MYCBP: variants seen among roughly 807,000 people sequenced by gnomAD.
The protein encoded by MYCBP is MYC binding protein.
MYCBP carries 5 observed loss-of-function variants against 16.8 expected under a neutral mutation model. The ratio of observed to expected loss-of-function variants is 0.30; its 90% CI spans 0.16 to 0.63. MYCBP has a LOEUF of 0.63. MYCBP is among the 20% of genes least tolerant of loss of function. MYCBP has a pLI of 0.83. For missense variants in MYCBP, 103 were observed against 121.8 expected (o/e 0.85, Z 0.73); for synonymous variants, 35 against 43.7 (o/e 0.80, Z 0.79).
Position 38,873,317 on chromosome 1 carries a change from C to T in MYCBP, c.-12G>A. 1 of 1,601,282 alleles carries T rather than the reference C, an allele frequency of 6.2e-7. No homozygotes were observed. Among genetic ancestry groups the T allele is most frequent in the Non-Finnish European group, 8.5e-7 (1 of 1,178,628 alleles). On this transcript the variant is annotated 5_prime_UTR_variant, in exon 1 of 5. Transcript: ENST00000397572. The stretch of plus-strand genomic sequence containing the variant: ...TTGTAATGGGCCATAGTGACAGCGG[C>T]AGCGGCGTAGCTGGCGCCGGAGACC...
rs562957210 is a variant in MYCBP, at chr1:38,867,174, C to T, written c.138-165G>A. Reference sequence around the variant, plus strand: ...TGAAACTAACTTTCTTGGCCAGGTGCGGTTGCTCACGCCTGTAATCCCAGC... The same window carrying T: ...TGAAACTAACTTTCTTGGCCAGGTGTGGTTGCTCACGCCTGTAATCCCAGC... On this transcript the variant is annotated intron_variant, in intron 3 of 4. Coordinates refer to ENST00000397572, the MANE Select transcript of MYCBP (RefSeq NM_012333.5). 2.2e-3 allele frequency among the ~76,000 whole-genome samples: 342 copies of T among 152,284 alleles called. 2 individuals carry two copies. Among genetic ancestry groups the T allele is most frequent in the Non-Finnish European group, 4.1e-3 (277 of 68,014 alleles).
rs1282185658 is a variant in MYCBP at position 38,864,310 on chromosome 1, C to G, written c.*360G>C. The G allele has an allele frequency of 3.6e-6, 1 of 277,516 alleles. No homozygotes were observed. Among genetic ancestry groups the G allele is most frequent in the Admixed American group, 5.0e-5 (1 of 20,028 alleles). 17.2% of individuals were successfully genotyped at this position (277,516 alleles called of 1,614,324 possible). On this transcript the variant is annotated 3_prime_UTR_variant, in exon 5 of 5. Transcript: ENST00000397572. ...TGTCACCTTCAAAGAATGACTGTACCTGTGTTCATATCCTGAACTGCACCA... is the reference window on the plus strand; with the variant it reads ...TGTCACCTTCAAAGAATGACTGTACGTGTGTTCATATCCTGAACTGCACCA...
chr1:38,865,686 C>T (rs1157007456), intron 4 of MYCBP, among the ~76,000 whole-genome samples: 1 of 152,044 alleles, frequency 6.6e-6, no homozygotes, highest in Non-Finnish European at 1.5e-5. Flanking sequence ...CCTGCAGTCC[C>T]AGCTACTCAG....
intron 2 of MYCBP, among the ~76,000 whole-genome samples, chr1:38,871,487 A>G (rs1570890178): frequency 7.0e-6 from 1 of 142,916 alleles, no homozygotes. Flanking sequence ...CACAATCACA[A>G]CTCACTGCAG....
intron 2 of MYCBP, among the ~76,000 whole-genome samples, chr1:38,871,692 C>T (rs1292775834): frequency 1.3e-5 from 2 of 151,952 alleles, no homozygotes; most frequent in Admixed American, 6.6e-5. Context: ...AGATTACAGG[C>T]ATGAGCCACG....
In MYCBP at chr1:38,867,084, C is replaced by T; in HGVS notation, c.138-75G>A. On this transcript the variant is annotated intron_variant, in intron 3 of 4. Transcript: ENST00000397572. ...AAATAGCACAGAGTAGTATCAATAT[C>T]CCTGACCAGAGTCACCCACTTTACC... The T allele has an allele frequency of 3.6e-6, 5 of 1,381,298 alleles. No individual in the cohort carries two copies. The South Asian group carries it at 5.0e-5, about 14-fold the overall frequency. The allele number at this position is 1,381,298 out of a possible 1,614,324, so 85.6% of individuals were successfully genotyped here.
intron 4 of MYCBP, among the ~76,000 whole-genome samples, chr1:38,866,510 G>A (rs1027023905): frequency 8.6e-5 from 13 of 151,884 alleles, no homozygotes; most frequent in South Asian, 8.3e-4. Context: ...TCCATCTGCC[G>A]GGTTCAAGCG....
intron 2 of MYCBP, 48 bp downstream of exon 2, chr1:38,872,970 G>A (rs1642498812): frequency 3.2e-6 from 5 of 1,544,730 alleles, no homozygotes; most frequent in African/African-American, 1.4e-5. Context: ...GGGCAGCGCC[G>A]GGGAGCACGA....
chr1:38,864,328 C>T lies in MYCBP; in HGVS notation c.*342G>A, dbSNP rs545675392. 3.1e-6 allele frequency: 1 copy of T among 325,132 alleles called. No individual in the cohort carries two copies. The highest frequency in any genetic ancestry group is 5.9e-6 in the Non-Finnish European group (1 of 170,642). The allele number at this position is 325,132 out of a possible 1,614,324, so 20.1% of individuals were successfully genotyped here. ...ACTGTACCTGTGTTCATATCCTGAA[C>T]TGCACCAAGGAATAGCTCCATGCTA... On this transcript the variant is annotated 3_prime_UTR_variant, in exon 5 of 5. Transcript: ENST00000397572.
rs2124269795 is a variant in MYCBP, at chr1:38,873,341, C to G, written c.-36G>C. On this transcript the variant is annotated 5_prime_UTR_variant, in exon 1 of 5. Transcript: ENST00000397572. ...GCAGCGGCGTAGCTGGCGCCGGAGA[C>G]CGCGACTGGCGGGTTGGGAGCAGCA... is the stretch of plus-strand genomic sequence containing the variant. The G allele has an allele frequency of 6.3e-7, 1 of 1,597,954 alleles. No homozygotes were observed. The highest frequency in any genetic ancestry group is 1.3e-5 in the African/African-American group (1 of 74,974).
intron 4 of MYCBP, among the ~76,000 whole-genome samples, chr1:38,865,641 A>G (rs1300090390): frequency 6.6e-6 from 1 of 152,060 alleles, no homozygotes; most frequent in Non-Finnish European, 1.5e-5. Flanking sequence ...ATTTCTACAA[A>G]AAGTTTAAAA....
chr1:38,873,377 G>A, upstream of MYCBP: 5 of 1,548,364 alleles, frequency 3.2e-6, no homozygotes, highest in Non-Finnish European at 3.5e-6. Flanking sequence ...CTGCTCATGC[G>A]CGGAAGGGGG....
rs748277945 is a variant in MYCBP, at chr1:38,873,332, C to T, written c.-27G>A. 21 of 1,598,520 alleles carry T rather than the reference C, an allele frequency of 1.3e-5. No individual in the cohort carries two copies. The highest frequency in any genetic ancestry group is 1.4e-5 in the Non-Finnish European group (17 of 1,177,796). ...GTGACAGCGGCAGCGGCGTAGCTGG[C>T]GCCGGAGACCGCGACTGGCGGGTTG... On this transcript the variant is annotated 5_prime_UTR_variant, in exon 1 of 5. Coordinates refer to ENST00000397572, the MANE Select transcript of MYCBP (RefSeq NM_012333.5).
intron 2 of MYCBP, among the ~76,000 whole-genome samples, chr1:38,870,649 C>T (rs1352182548): frequency 8.0e-5 from 12 of 149,298 alleles, no homozygotes; most frequent in African/African-American, 2.0e-4. Context: ...AAAAATTAGC[C>T]GGGCGCGGTG....
At chr1:38,870,799 C>CAAAAAAAAAAAAAAAAAAAAA (rs60684785) in intron 2 of MYCBP, among the ~76,000 whole-genome samples, 1 of 60,684 alleles carries the variant, frequency 1.6e-5, no homozygotes, top group Non-Finnish European at 2.7e-5. Flanking sequence ...GACTCCGTCT[C>CAAAAAAAAAAAAAAAAAAAAA]AAAAAAAAAA....
intron 2 of MYCBP, among the ~76,000 whole-genome samples, chr1:38,870,967 C>A (rs796265155): frequency 1.3e-5 from 2 of 151,838 alleles, no homozygotes; most frequent in Non-Finnish European, 2.9e-5. Flanking sequence ...TAGTGGAGGG[C>A]GGTGGCTCAC....
At chr1:38,866,042 C>CTTTT (rs1491491478) in intron 4 of MYCBP, among the ~76,000 whole-genome samples, 1 of 24,420 alleles carries the variant, frequency 4.1e-5, no homozygotes, top group Non-Finnish European at 7.8e-5. Flanking sequence ...TCCTAAGAAC[C>CTTTT]TCTTTTTTTT....
chr1:38,871,015 G>A (rs1052787867), intron 2 of MYCBP, among the ~76,000 whole-genome samples: 6 of 152,080 alleles, frequency 3.9e-5, no homozygotes, highest in East Asian at 1.9e-4. Context: ...TGAGGTGAGC[G>A]GATCACCTGA....
At chr1:38,868,350 T>C (rs937878628) in intron 2 of MYCBP, among the ~76,000 whole-genome samples, 2 of 152,328 alleles carry the variant, frequency 1.3e-5, no homozygotes, top group Admixed American at 1.3e-4. Context: ...AAAATGGTCT[T>C]AAAAATTAAG....
Sources: gnomAD v4.1 joint callset for allele counts (sites outside exome capture counted in the v4.1 genomes callset) on GRCh38, gnomAD v4.1.1 for gene constraint, MANE v1.5 for transcripts, NCBI Gene and HGNC (gene_info 2026-07-23, HGNC 2026-07-21) for gene names.